MEMO1: variants seen among roughly 807,000 people sequenced by gnomAD.
MEMO1 encodes the protein protein MEMO1.
A neutral mutation model predicts 45.2 loss-of-function variants in MEMO1; 6 were observed. The ratio of observed to expected loss-of-function variants is 0.13; its 90% CI spans 0.07 to 0.26. The LOEUF (loss-of-function observed/expected upper bound fraction) is 0.26, where lower values mean the gene tolerates loss of function less well. Among genes scored for constraint, MEMO1 ranks in the 10% least tolerant of loss-of-function variants. MEMO1 has a pLI of 1.00. For synonymous variants in MEMO1, 78 were observed against 124.3 expected (o/e 0.63, Z 2.48); for missense variants, 184 against 370.5 (o/e 0.50, Z 4.13).
intron 3 of MEMO1, among the ~76,000 whole-genome samples, chr2:31,936,162 C>T (rs974887208): frequency 6.6e-6 from 1 of 151,962 alleles, no homozygotes; most frequent in Non-Finnish European, 1.5e-5. Flanking sequence ...CGGGGTTTCA[C>T]CATATGGGCC....
At chr2:32,000,703 T>C (rs868659590) in intron 2 of MEMO1, among the ~76,000 whole-genome samples, 1 of 152,162 alleles carries the variant, frequency 6.6e-6, no homozygotes, top group South Asian at 2.1e-4. Flanking sequence ...TATTGCAGCC[T>C]GGACCCCTGA....
At chr2:31,902,056 T>A (rs1678919389) in intron 6 of MEMO1, among the ~76,000 whole-genome samples, 2 of 152,058 alleles carry the variant, frequency 1.3e-5, no homozygotes, top group Non-Finnish European at 2.9e-5. Context: ...GGAGGATACT[T>A]TGAGCCCAGG....
chr2:32,006,117 A>C (rs1221158240), intron 2 of MEMO1, among the ~76,000 whole-genome samples: 2 of 152,234 alleles, frequency 1.3e-5, no homozygotes, highest in African/African-American at 2.4e-5. Flanking sequence ...GGTAGGGGAA[A>C]GCGGTCATAG....
intron 8 of MEMO1, among the ~76,000 whole-genome samples, chr2:31,877,235 T>C (rs1046292809): frequency 6.6e-6 from 1 of 152,048 alleles, no homozygotes; most frequent in East Asian, 1.9e-4. Context: ...CCAAGACAAA[T>C]CAACAAATGA....
In MEMO1 at chr2:31,974,090, G is replaced by GCTCC. The variant is rs926861235; in HGVS notation, c.62-30711_62-30708dup. Among the ~76,000 whole-genome samples, 14 of 151,982 alleles carry GCTCC rather than the reference G, an allele frequency of 9.2e-5. No individual in the cohort carries two copies. The East Asian group carries it at 1.4e-3, about 15-fold the overall frequency. ...AGAAACTGCTAATTGTTTCTCGCTC[G>GCTCC]CTCCCTCCCTCCCTCCCTCCAATCT... On this transcript the variant is annotated intron_variant, in intron 2 of 9. Coordinates refer to ENST00000404530, the MANE Select transcript of MEMO1 (RefSeq NM_001301833.4).
chr2:31,923,838 C>T (rs1291912440), intron 4 of MEMO1: 2 of 1,280,750 alleles, frequency 1.6e-6, no homozygotes, highest in African/African-American at 1.5e-5. Context: ...TAACAATAGC[C>T]AAAAGATACA....
At chr2:31,998,596 C>T (rs945563051) in intron 2 of MEMO1, among the ~76,000 whole-genome samples, 2 of 151,968 alleles carry the variant, frequency 1.3e-5, no homozygotes, top group African/African-American at 2.4e-5. Flanking sequence ...GTCAGGAGTT[C>T]GAGACCAACC....
At chr2:31,887,952 G>A (rs1049936067) in intron 7 of MEMO1, among the ~76,000 whole-genome samples, 2 of 151,934 alleles carry the variant, frequency 1.3e-5, no homozygotes, top group African/African-American at 4.8e-5. Context: ...AAATATTTAG[G>A]GGAATGCCAC....
chr2:31,906,676 C>A (rs1197898006), intron 6 of MEMO1, among the ~76,000 whole-genome samples: 2 of 152,122 alleles, frequency 1.3e-5, no homozygotes, highest in African/African-American at 4.8e-5. Flanking sequence ...TTGCTAAGAA[C>A]TTTTATTAGC....
At chr2:32,006,379 C>T (rs1268188173) in intron 2 of MEMO1, among the ~76,000 whole-genome samples, 1 of 152,186 alleles carries the variant, frequency 6.6e-6, no homozygotes, top group Non-Finnish European at 1.5e-5. Context: ...AAACAGACTA[C>T]ATTTAGATTA....
chr2:31,974,456 A>G lies in MEMO1; in HGVS notation c.62-31073T>C, dbSNP rs192660691. On this transcript the variant is annotated intron_variant, in intron 2 of 9. Transcript: ENST00000404530. Reference sequence around the variant, plus strand: ...AAATTTGCTTCTAAGTAAAAATTAAAACATTTGCGGCCGGGCACGGTGACT... The same window carrying G: ...AAATTTGCTTCTAAGTAAAAATTAAGACATTTGCGGCCGGGCACGGTGACT... Among the ~76,000 whole-genome samples, 151 of 152,336 alleles carry G rather than the reference A, an allele frequency of 9.9e-4. 1 individual carries two copies. The highest frequency in any genetic ancestry group is 3.6e-3 in the African/African-American group (149 of 41,582).
chr2:31,898,166 C>A (rs1678173379), intron 6 of MEMO1, among the ~76,000 whole-genome samples: 1 of 151,984 alleles, frequency 6.6e-6, no homozygotes, highest in Admixed American at 6.6e-5. Flanking sequence ...AAAAAACCAG[C>A]TCCTGGATTC....
intron 6 of MEMO1, among the ~76,000 whole-genome samples, chr2:31,901,423 G>A (rs753177281): frequency 1.3e-4 from 18 of 141,084 alleles, no homozygotes; most frequent in Middle Eastern, 3.8e-3. Context: ...CAAGACATGC[G>A]ACAACAGGGA....
chr2:31,976,774 C>T (rs777978230), intron 2 of MEMO1, among the ~76,000 whole-genome samples: 4 of 151,834 alleles, frequency 2.6e-5, no homozygotes, highest in Non-Finnish European at 1.5e-5. Flanking sequence ...AAATTAAACA[C>T]CAAAATATTT....
chr2:31,966,682 C>G (rs1018516890), intron 2 of MEMO1, among the ~76,000 whole-genome samples: 1 of 137,664 alleles, frequency 7.3e-6, no homozygotes, highest in East Asian at 2.1e-4. Flanking sequence ...GCAGTGAGCC[C>G]AGATCGCACC....
chr2:31,875,802 TC>T (rs761638352), intron 8 of MEMO1, among the ~76,000 whole-genome samples: 64 of 152,276 alleles, frequency 4.2e-4, no homozygotes, highest in Non-Finnish European at 6.8e-4. Flanking sequence ...TTCTCCTGCC[TC>T]AGCCTCCCGA....
chr2:32,009,838 C>T (rs1674600223), intron 2 of MEMO1, among the ~76,000 whole-genome samples: 1 of 152,130 alleles, frequency 6.6e-6, no homozygotes, highest in Non-Finnish European at 1.5e-5. Context: ...TTCCTGCAAG[C>T]CAGAGGCGGC....
chr2:31,940,290 A>G (rs1390879557), intron 3 of MEMO1, among the ~76,000 whole-genome samples: 4 of 152,140 alleles, frequency 2.6e-5, no homozygotes, highest in Admixed American at 1.3e-4. Context: ...TTCTATCTCA[A>G]GTCTGGTGCC....
At chr2:32,002,032 G>A (rs1267781143) in intron 2 of MEMO1, among the ~76,000 whole-genome samples, 3 of 150,480 alleles carry the variant, frequency 2.0e-5, no homozygotes, top group African/African-American at 7.3e-5. Flanking sequence ...TGTAGACCCA[G>A]CTACTTGGGA....
Sources: allele counts gnomAD v4.1 joint callset (sites outside exome capture counted in the v4.1 genomes callset), GRCh38; gene constraint gnomAD v4.1.1; transcripts MANE v1.5; gene names NCBI Gene and HGNC (gene_info 2026-07-23, HGNC 2026-07-21).